FSTL5: variants seen among roughly 807,000 people sequenced by gnomAD.
The protein encoded by FSTL5 is follistatin like 5.
In FSTL5, 62 loss-of-function variants were observed where a neutral mutation model predicts 89.1. The ratio of observed to expected loss-of-function variants is 0.70; its 90% CI spans 0.57 to 0.86. The LOEUF (loss-of-function observed/expected upper bound fraction) is 0.86. Ranked by LOEUF, FSTL5 falls within the 40% of genes least tolerant of loss-of-function variation. FSTL5 has a pLI of 0.00. For missense variants in FSTL5, 1,057 were observed against 1,001.6 expected (o/e 1.06, Z -0.75); for synonymous variants, 383 against 346.2 (o/e 1.11, Z -1.18).
intron 4 of FSTL5, among the ~76,000 whole-genome samples, chr4:161,810,454 C>T (rs1730103633): frequency 1.3e-5 from 2 of 152,064 alleles, no homozygotes; most frequent in African/African-American, 4.8e-5. Context: ...TCACTTTAAG[C>T]AGCCGAGAAG....
At chr4:161,823,575 G>A (rs773399604) in intron 4 of FSTL5, among the ~76,000 whole-genome samples, 2 of 152,202 alleles carry the variant, frequency 1.3e-5, no homozygotes, top group East Asian at 3.9e-4. Context: ...AAGGGGAAGG[G>A]GCTTTGCAGG....
At chr4:161,573,733 C>CAAAAAAAAAAAAAAAAA (rs70937664) in intron 8 of FSTL5, among the ~76,000 whole-genome samples, 2 of 50,622 alleles carry the variant, frequency 4.0e-5, no homozygotes, top group East Asian at 6.8e-4. Context: ...AACTCCAGCT[C>CAAAAAAAAAAAAAAAAA]AAAAAAAAAA....
At chr4:161,993,772 T>G (rs2111085573) in intron 3 of FSTL5, among the ~76,000 whole-genome samples, 1 of 152,282 alleles carries the variant, frequency 6.6e-6, no homozygotes, top group East Asian at 1.9e-4. Flanking sequence ...ACATCAATGT[T>G]ATTTTCATTT....
chr4:161,906,165 C>G (rs535384903), intron 4 of FSTL5, among the ~76,000 whole-genome samples: 1 of 151,916 alleles, frequency 6.6e-6, no homozygotes, highest in Admixed American at 6.6e-5. Flanking sequence ...CTAAGTCTCC[C>G]AGGAAGATTA....
chr4:161,957,999 C>T (rs914837132), intron 3 of FSTL5, among the ~76,000 whole-genome samples: 1 of 152,112 alleles, frequency 6.6e-6, no homozygotes. Flanking sequence ...TTGAAGTTGT[C>T]CCACAACTCA....
Position 161,923,780 on chromosome 4 carries a change from A to G in FSTL5, c.161-3128T>C, listed in dbSNP as rs188553961. Among the ~76,000 whole-genome samples, 60 of 151,800 alleles carry G rather than the reference A, an allele frequency of 4.0e-4. 1 individual carries two copies. In the East Asian group the frequency reaches 5.4e-3, roughly 14 times the overall value. The stretch of plus-strand genomic sequence containing the variant: ...CAATATTTCCCATATTTTCTCTTAA[A>G]TCCTTTCTCTTAAAGCCTCTACACT... On this transcript the variant is annotated intron_variant, in intron 3 of 15. Transcript: ENST00000306100.
At chr4:161,819,393 A>G (rs1345227317) in intron 4 of FSTL5, among the ~76,000 whole-genome samples, 1 of 152,136 alleles carries the variant, frequency 6.6e-6, no homozygotes, top group African/African-American at 2.4e-5. Flanking sequence ...GTAATAGTCA[A>G]AACACTTCCC....
At chr4:162,032,705 T>C (rs1737584069) in intron 3 of FSTL5, 1 of 152,194 alleles carries the variant, frequency 6.6e-6, no homozygotes, top group Admixed American at 6.5e-5. Flanking sequence ...ATCAACAATC[T>C]AGAGAGCCTC....
At position 161,586,462 on chromosome 4, in the gene FSTL5, C is replaced by T. The variant is rs996224367; in HGVS notation, c.1015+993G>A. On this transcript the variant is annotated intron_variant, in intron 8 of 15. Transcript: ENST00000306100. ...CCTTAGCATCATTTTTTAACTCTCT[C>T]TCACACTCACATGCTATTCCTCAGT... Among the ~76,000 whole-genome samples the T allele has an allele frequency of 3.9e-5, 6 of 152,286 alleles. No homozygotes were observed. In the East Asian group the frequency reaches 1.2e-3, roughly 29 times the overall value.
In FSTL5 at chr4:161,476,136, C is replaced by G. The variant is rs116681954; in HGVS notation, c.1608+4884G>C. On this transcript the variant is annotated intron_variant, in intron 13 of 15. Transcript: ENST00000306100. Reference sequence around the variant, plus strand: ...TTCAAATCTAATAATTGTGATAATTCTAGAGATCAGATTCTTCTCCTTCTT... The same window carrying G: ...TTCAAATCTAATAATTGTGATAATTGTAGAGATCAGATTCTTCTCCTTCTT... Among the ~76,000 whole-genome samples the G allele has an allele frequency of 3.6e-3, 477 of 132,684 alleles. 4 individuals carry two copies. Among genetic ancestry groups the G allele is most frequent in the African/African-American group, 0.013 (432 of 34,414 alleles). The allele number at this position is 132,684 out of a possible 152,430, so 87.0% of individuals were successfully genotyped here.
chr4:161,641,560 C>G (rs928655429), intron 7 of FSTL5, among the ~76,000 whole-genome samples: 1 of 148,772 alleles, frequency 6.7e-6, no homozygotes, highest in East Asian at 2.0e-4. Flanking sequence ...GGCGCGATCT[C>G]GGCTCACTGT....
At chr4:161,789,547 G>C (rs911304883) in intron 4 of FSTL5, among the ~76,000 whole-genome samples, 1 of 152,126 alleles carries the variant, frequency 6.6e-6, no homozygotes, top group African/African-American at 2.4e-5. Flanking sequence ...CTATTTGGAA[G>C]TTCATTACCA....
intron 1 of FSTL5, among the ~76,000 whole-genome samples, chr4:162,132,366 T>C (rs1282521704): frequency 6.6e-6 from 1 of 152,142 alleles, no homozygotes; most frequent in Non-Finnish European, 1.5e-5. Context: ...GTCAGTGGCA[T>C]TAAAAATGTG....
intron 2 of FSTL5, among the ~76,000 whole-genome samples, chr4:162,042,283 T>G (rs1737994195): frequency 6.6e-6 from 1 of 152,146 alleles, no homozygotes; most frequent in Non-Finnish European, 1.5e-5. Context: ...TCAGAAAGTT[T>G]GTTGTTGTTG....
intron 15 of FSTL5, among the ~76,000 whole-genome samples, chr4:161,389,512 T>C (rs1343795895): frequency 6.6e-6 from 1 of 152,178 alleles, no homozygotes; most frequent in Non-Finnish European, 1.5e-5. Flanking sequence ...ACTGCTTTTA[T>C]GATTTAAGCT....
intron 1 of FSTL5, among the ~76,000 whole-genome samples, chr4:162,119,741 C>T (rs539997479): frequency 3.0e-4 from 46 of 152,228 alleles, no homozygotes; most frequent in African/African-American, 1.0e-3. Context: ...AATCATCTTA[C>T]AGTGCTATAG....
rs199735797 is a variant in FSTL5, at chr4:161,775,970, C to T, written c.514G>A (p.Asp172Asn). Residue 172 changes from aspartate (D) to asparagine (N), a missense_variant, in exon 5 of 16, where the codon GAC (aspartate) becomes AAC (asparagine). Physicochemically the swap from Asp to Asn is conservative, Grantham distance 23. Coordinates refer to ENST00000306100, the MANE Select transcript of FSTL5 (RefSeq NM_020116.5). ...ACCAATAGCTTCTTCCGAGATATGT[C>T]GTCGCCATTAGGATTTTCATTTTCT... is the stretch of plus-strand genomic sequence containing the variant. ...MQENENPNGD[D>N]ISRKKLLVDQ... 15 of 1,605,498 alleles carry T rather than the reference C, an allele frequency of 9.3e-6. No homozygotes were observed. The highest frequency in any genetic ancestry group is 2.2e-5 in the East Asian group (1 of 44,504).
chr4:161,445,728 T>A (rs1358387631), intron 15 of FSTL5, among the ~76,000 whole-genome samples: 2 of 151,966 alleles, frequency 1.3e-5, no homozygotes, highest in African/African-American at 4.8e-5. Context: ...TCTCCACATA[T>A]CTACTAATTT....
intron 3 of FSTL5, among the ~76,000 whole-genome samples, chr4:161,968,947 A>G (rs1735402356): frequency 8.2e-6 from 1 of 121,810 alleles, no homozygotes; most frequent in Non-Finnish European, 1.7e-5. Flanking sequence ...ACACACACAC[A>G]CACACACACA....
Sources: allele counts gnomAD v4.1 joint callset (sites outside exome capture counted in the v4.1 genomes callset), GRCh38; gene constraint gnomAD v4.1.1; transcripts MANE v1.5; gene names NCBI Gene and HGNC (gene_info 2026-07-23, HGNC 2026-07-21).